Variants in NMNAT1 observed in about 807,000 individuals in gnomAD.
The protein encoded by NMNAT1 is nicotinamide nucleotide adenylyltransferase 1, also known as nicotinamide/nicotinic acid mononucleotide adenylyltransferase 1.
A neutral mutation model predicts 16.7 loss-of-function variants in NMNAT1; 11 were observed. The observed-to-expected ratio is 0.66, with a 90% confidence interval of 0.41 to 1.09. The LOEUF is 1.09. Ranked by LOEUF, NMNAT1 falls within the 50% of genes least tolerant of loss-of-function variation. The probability of loss-of-function intolerance (pLI) is 0.00; values close to 1 mark genes in which losing one functional copy is unlikely to be tolerated. For synonymous variants in NMNAT1, 110 were observed against 119.8 expected, an observed-to-expected ratio of 0.92 and a Z score of 0.53; for missense variants, 280 against 332.3, an observed-to-expected ratio of 0.84 and a Z score of 1.22.
intron 1 of NMNAT1, among the ~76,000 whole-genome samples, chr1:9,952,862 C>G (rs1641149903): frequency 6.6e-6 from 1 of 152,128 alleles, no homozygotes; most frequent in Non-Finnish European, 1.5e-5. Flanking sequence ...AGCCACCACG[C>G]TCGGCTAGAA....
At chr1:9,951,059 A>C in intron 1 of NMNAT1, among the ~76,000 whole-genome samples, 1 of 151,696 alleles carries the variant, frequency 6.6e-6, no homozygotes, top group East Asian at 1.9e-4. Flanking sequence ...ACTGCACTCC[A>C]GCTTAAGCAA....
chr1:9,985,898 C>G (rs2101720910), downstream of NMNAT1, among the ~76,000 whole-genome samples: 1 of 152,302 alleles, frequency 6.6e-6, no homozygotes, highest in African/African-American at 2.4e-5. Context: ...ATCCGCCCAC[C>G]TTGGCCTCCC....
At chr1:9,977,420 G>A (rs1051532245) in intron 3 of NMNAT1, among the ~76,000 whole-genome samples, 2 of 151,922 alleles carry the variant, frequency 1.3e-5, no homozygotes, top group African/African-American at 2.4e-5. Flanking sequence ...AAATGAAAGG[G>A]CTTTCTGAAA....
downstream of NMNAT1, among the ~76,000 whole-genome samples, chr1:9,989,497 C>T (rs961267676): frequency 6.6e-6 from 1 of 151,706 alleles, no homozygotes; most frequent in African/African-American, 2.4e-5. Context: ...AGTGGAGAAG[C>T]AGCTGGATAT....
intron 1 of NMNAT1, among the ~76,000 whole-genome samples, chr1:9,962,837 A>G (rs1641456634): frequency 1.3e-5 from 2 of 151,844 alleles, no homozygotes; most frequent in Non-Finnish European, 2.9e-5. Context: ...GCCTGCCAAC[A>G]CACCCGGCTA....
upstream of NMNAT1, chr1:9,943,037 G>A: frequency 3.3e-6 from 1 of 298,924 alleles, no homozygotes; most frequent in Non-Finnish European, 6.8e-6. Context: ...TAAGGGCGGA[G>A]AGCACGCCTC....
intron 1 of NMNAT1, among the ~76,000 whole-genome samples, chr1:9,967,761 T>C (rs1641582887): frequency 6.6e-6 from 1 of 152,000 alleles, no homozygotes; most frequent in Non-Finnish European, 1.5e-5. Flanking sequence ...GCTTCGAGAT[T>C]CTGAGCCCAG....
At chr1:9,968,068 G>GTTTTTTTTT (rs1400220756) in intron 1 of NMNAT1, among the ~76,000 whole-genome samples, 5 of 64,026 alleles carry the variant, frequency 7.8e-5, no homozygotes, top group Non-Finnish European at 9.0e-5. Flanking sequence ...GCCAAATGTA[G>GTTTTTTTTT]TTTTTTTTTT....
At chr1:9,977,421 C>G (rs930792564) in intron 3 of NMNAT1, among the ~76,000 whole-genome samples, 2 of 151,906 alleles carry the variant, frequency 1.3e-5, no homozygotes, top group Non-Finnish European at 2.9e-5. Flanking sequence ...AATGAAAGGG[C>G]TTTCTGAAAA....
the NMNAT1 span, among the ~76,000 whole-genome samples, chr1:9,994,295 T>C: frequency 6.6e-6 from 1 of 151,718 alleles, no homozygotes; most frequent in Non-Finnish European, 1.5e-5. Flanking sequence ...ATTTTTTTAG[T>C]AGAGACGGGG....
chr1:9,973,067 A>G (rs919249519), intron 2 of NMNAT1, among the ~76,000 whole-genome samples: 1 of 152,208 alleles, frequency 6.6e-6, no homozygotes, highest in Non-Finnish European at 1.5e-5. Context: ...TTTAGCATAC[A>G]TAAAACCTCT....
chr1:9,982,190 C>A, intron 4 of NMNAT1, 111 bp from the exon 5 acceptor site: 1 of 1,373,966 alleles, frequency 7.3e-7, no homozygotes, highest in Non-Finnish European at 9.9e-7. Context: ...AAAGCACATA[C>A]GTATCTTCAT....
chr1:9,981,175 G>C lies in NMNAT1; in HGVS notation c.439+5G>C, dbSNP rs1641939445. 6.2e-7 allele frequency: 1 copy of C among 1,607,184 alleles called. No homozygotes were observed. The highest frequency in any genetic ancestry group is 1.1e-5 in the South Asian group (1 of 90,010). ...CCCTAGAGCCAAAAACAAAAGGTTT[G>C]TATGTTTTAGCAGGACCCACGGACT... On this transcript the variant is annotated splice_donor_5th_base_variant and intron_variant, in intron 4 of 4. Coordinates refer to ENST00000377205, the MANE Select transcript of NMNAT1 (RefSeq NM_022787.4).
At chr1:9,946,702 ATAAT>A (rs771383252) in intron 1 of NMNAT1, among the ~76,000 whole-genome samples, 1 of 152,204 alleles carries the variant, frequency 6.6e-6, no homozygotes. Context: ...GAGTAAGGAA[ATAAT>A]TAAGGTTAAA....
chr1:9,958,269 A>G (rs981189689), intron 1 of NMNAT1, among the ~76,000 whole-genome samples: 5 of 152,178 alleles, frequency 3.3e-5, no homozygotes, highest in South Asian at 2.1e-4. Context: ...AGTTTTAAAC[A>G]TAATGATATT....
intron 1 of NMNAT1, among the ~76,000 whole-genome samples, chr1:9,962,019 C>T (rs1202841535): frequency 2.0e-5 from 3 of 151,870 alleles, no homozygotes; most frequent in African/African-American, 4.8e-5. Flanking sequence ...CCACCTGCCT[C>T]GCCCTCCCAA....
chr1:9,977,197 C>T (rs947736879), intron 3 of NMNAT1, among the ~76,000 whole-genome samples: 4 of 152,146 alleles, frequency 2.6e-5, no homozygotes, highest in Non-Finnish European at 5.9e-5. Flanking sequence ...GGTGAGCCAC[C>T]GCACCTGGCT....
At chr1:9,981,808 C>G (rs1384605283) in intron 4 of NMNAT1, 1 of 154,444 alleles carries the variant, frequency 6.5e-6, no homozygotes, top group African/African-American at 2.4e-5. Flanking sequence ...TGTCCTGGGT[C>G]TCTTTTGGGA....
chr1:9,986,685 T>C (rs1311207997), downstream of NMNAT1, among the ~76,000 whole-genome samples: 1 of 152,212 alleles, frequency 6.6e-6, no homozygotes, highest in Non-Finnish European at 1.5e-5. Context: ...AATTCTAGAC[T>C]AGCCTGGGCA....
Sources: gnomAD v4.1 joint callset for allele counts (sites outside exome capture counted in the v4.1 genomes callset) on GRCh38, gnomAD v4.1.1 for gene constraint, MANE v1.5 for transcripts, NCBI Gene and HGNC (gene_info 2026-07-23, HGNC 2026-07-21) for gene names.